PHACTR4: variants seen among roughly 807,000 people sequenced by gnomAD.
The protein encoded by PHACTR4 is phosphatase and actin regulator 4.
In PHACTR4, 51 loss-of-function variants were observed where a neutral mutation model predicts 72.7. That is an observed-to-expected ratio of 0.70 (90% CI 0.56 to 0.89). The LOEUF (loss-of-function observed/expected upper bound fraction) is 0.89, where lower values mean the gene tolerates loss of function less well. PHACTR4 is among the 40% of genes least tolerant of loss of function. The probability of loss-of-function intolerance (pLI) is 0.00; values close to 1 mark genes in which losing one functional copy is unlikely to be tolerated. For missense variants in PHACTR4, 731 were observed against 861.8 expected, an observed-to-expected ratio of 0.85 and a Z score of 1.90; for synonymous variants, 255 against 302.5, an observed-to-expected ratio of 0.84 and a Z score of 1.63.
At chr1:28,414,605 T>G (rs1019562248) in intron 2 of PHACTR4, among the ~76,000 whole-genome samples, 8 of 152,026 alleles carry the variant, frequency 5.3e-5, no homozygotes, top group Non-Finnish European at 1.0e-4. Context: ...CTTGAACTCC[T>G]GGGCTCAAGT....
chr1:28,475,978 T>G, intron 7 of PHACTR4, 129 bp from the exon 8 acceptor site: 1 of 803,858 alleles, frequency 1.2e-6, no homozygotes, highest in Non-Finnish European at 1.8e-6. Context: ...TTTGCCCACC[T>G]CCATCTCCCA....
At chr1:28,452,396 C>G (rs1658040905) in intron 2 of PHACTR4, among the ~76,000 whole-genome samples, 1 of 152,218 alleles carries the variant, frequency 6.6e-6, no homozygotes, top group South Asian at 2.1e-4. Flanking sequence ...GTCCCAGCTA[C>G]TCAGACAGCT....
intron 2 of PHACTR4, among the ~76,000 whole-genome samples, chr1:28,444,214 C>CTTTTTTTTTTTTTTTTTTTT: frequency 2.4e-5 from 1 of 41,088 alleles, no homozygotes; most frequent in Non-Finnish European, 4.9e-5. Context: ...ATATATTTGG[C>CTTTTTTTTTTTTTTTTTTTT]TTTTTTTTTT....
intron 2 of PHACTR4, among the ~76,000 whole-genome samples, chr1:28,411,324 G>A (rs998981463): frequency 6.6e-6 from 1 of 152,196 alleles, no homozygotes; most frequent in Non-Finnish European, 1.5e-5. Flanking sequence ...TTGGATTACA[G>A]GTGTGAGCCC....
At position 28,438,299 on chromosome 1, in the gene PHACTR4, C is replaced by T. The variant is rs1656763366; in HGVS notation, c.17-20786C>T. ...GACACTGAAAGAGGACCGCATGTCC[C>T]CTCTTTATGTGGATTTATCTTTTAT... On this transcript the variant is annotated intron_variant, in intron 2 of 13. Coordinates refer to ENST00000373839, the MANE Select transcript of PHACTR4 (RefSeq NM_001048183.3). The T allele has an allele frequency of 3.9e-6, 6 of 1,551,716 alleles. No individual in the cohort carries two copies. The South Asian group carries it at 4.9e-5, about 13-fold the overall frequency.
At chr1:28,424,886 C>T (rs1470577715) in intron 2 of PHACTR4, among the ~76,000 whole-genome samples, 4 of 151,940 alleles carry the variant, frequency 2.6e-5, no homozygotes, top group Non-Finnish European at 4.4e-5. Context: ...CTCTTCCTCC[C>T]AGGTTCAAAC....
chr1:28,372,043 G>A (rs1219694145), intron 1 of PHACTR4, among the ~76,000 whole-genome samples: 1 of 150,794 alleles, frequency 6.6e-6, no homozygotes, highest in Non-Finnish European at 1.5e-5. Context: ...CACCACTCCC[G>A]GCTAATTTTT....
chr1:28,477,717 G>A (rs939235774), intron 8 of PHACTR4, among the ~76,000 whole-genome samples: 1 of 151,314 alleles, frequency 6.6e-6, no homozygotes, highest in African/African-American at 2.4e-5. Context: ...TTTTGAGACA[G>A]TGTCTCACTC....
chr1:28,465,606 G>A, intron 4 of PHACTR4, 79 bp from the exon 5 acceptor site: 1 of 1,424,888 alleles, frequency 7.0e-7, no homozygotes, highest in Non-Finnish European at 9.5e-7. Context: ...GAGAGAGAAA[G>A]AAAAAAAGAA....
intron 2 of PHACTR4, among the ~76,000 whole-genome samples, chr1:28,447,159 G>A (rs183578101): frequency 1.1e-3 from 169 of 151,442 alleles, no homozygotes; most frequent in East Asian, 0.01. Context: ...CTACAGGCGC[G>A]TGCCACCAAG....
Position 28,399,539 on chromosome 1 carries a change from C to A in PHACTR4, c.-38-7871C>A, listed in dbSNP as rs551312539. On this transcript the variant is annotated intron_variant, in intron 1 of 13. Coordinates refer to ENST00000373839, the MANE Select transcript of PHACTR4 (RefSeq NM_001048183.3). Reference sequence around the variant, plus strand: ...TACCTAATTCCATTTCTATTAATTTCTTGTTGGTCTCGGACTATGTAGTAC... The same window carrying A: ...TACCTAATTCCATTTCTATTAATTTATTGTTGGTCTCGGACTATGTAGTAC... 6.6e-5 allele frequency among the ~76,000 whole-genome samples: 10 copies of A among 152,200 alleles called. No homozygotes were observed. In the East Asian group the frequency reaches 1.9e-3, roughly 29 times the overall value.
intron 1 of PHACTR4, among the ~76,000 whole-genome samples, chr1:28,372,445 G>A (rs969801134): frequency 6.6e-6 from 1 of 152,096 alleles, no homozygotes; most frequent in Non-Finnish European, 1.5e-5. Flanking sequence ...ATACTGTATA[G>A]GGATGGTAGA....
chr1:28,416,841 C>G (rs1342119064), intron 2 of PHACTR4, among the ~76,000 whole-genome samples: 1 of 152,120 alleles, frequency 6.6e-6, no homozygotes, highest in Non-Finnish European at 1.5e-5. Flanking sequence ...TCCATTTTCT[C>G]TTTTATAGTT....
At chr1:28,417,455 C>T (rs750406875) in intron 2 of PHACTR4, among the ~76,000 whole-genome samples, 17 of 152,120 alleles carry the variant, frequency 1.1e-4, no homozygotes, top group Non-Finnish European at 2.1e-4. Flanking sequence ...AACACAAGCA[C>T]TGCAATACCG....
intron 2 of PHACTR4, chr1:28,457,840 A>T: frequency 1.0e-6 from 1 of 984,300 alleles, no homozygotes; most frequent in Non-Finnish European, 1.2e-6. Flanking sequence ...AGACTTCTCC[A>T]GAGAACCTTG....
At chr1:28,385,114 T>C (rs1467536017) in intron 1 of PHACTR4, among the ~76,000 whole-genome samples, 1 of 152,190 alleles carries the variant, frequency 6.6e-6, no homozygotes, top group Admixed American at 6.6e-5. Context: ...AACTTTTTGA[T>C]GTGGATACTT....
chr1:28,489,504 A>C (rs1660903784), intron 10 of PHACTR4, among the ~76,000 whole-genome samples: 1 of 152,146 alleles, frequency 6.6e-6, no homozygotes. Context: ...GGAGGCTTTG[A>C]CAGTATATGG....
rs773269148 is a variant in PHACTR4 at position 28,473,761 on chromosome 1, C to G, written c.1031C>G (p.Ser344Cys). 6.2e-7 allele frequency: 1 copy of G among 1,613,874 alleles called. No individual in the cohort carries two copies. Among genetic ancestry groups the G allele is most frequent in the Non-Finnish European group, 8.5e-7 (1 of 1,179,906 alleles). ...CCAATGATCTCACCTCGCTCTCCGT[C>G]CCCCCCACTGCCTACTCATATACCT... ...LLPMISPRSP[S>C]PPLPTHIPPE... The change falls in exon 7 of 14, where the codon TCC becomes TGC. Residue 344 changes from serine to cysteine, a missense_variant. Ser to Cys is a moderately radical substitution (Grantham distance 112). Transcript: ENST00000373839.
At chr1:28,470,702 A>C (rs985520971) in intron 6 of PHACTR4, among the ~76,000 whole-genome samples, 1 of 151,602 alleles carries the variant, frequency 6.6e-6, no homozygotes, top group Non-Finnish European at 1.5e-5. Context: ...AAAATAAATT[A>C]ATTTAATTTA....
Sources: gnomAD v4.1 joint callset for allele counts (sites outside exome capture counted in the v4.1 genomes callset) on GRCh38, gnomAD v4.1.1 for gene constraint, MANE v1.5 for transcripts, NCBI Gene and HGNC (gene_info 2026-07-23, HGNC 2026-07-21) for gene names.